The following KIF2A variants were observed in gnomAD, a reference collection of about 807,000 sequenced individuals.
KIF2A encodes the protein kinesin family member 2A.
A neutral mutation model predicts 100.2 loss-of-function variants in KIF2A; 22 were observed. The ratio of observed to expected loss-of-function variants is 0.22; its 90% CI spans 0.16 to 0.31. The LOEUF (loss-of-function observed/expected upper bound fraction) is 0.31, where lower values mean the gene tolerates loss of function less well. KIF2A is among the 10% of genes least tolerant of loss of function. The pLI, the probability that KIF2A is intolerant of heterozygous loss-of-function variation, is 1.00. For synonymous variants in KIF2A, 268 were observed against 285.9 expected (o/e 0.94, Z 0.63); for missense variants, 495 against 898.7 (o/e 0.55, Z 5.74).
chr5:62,360,546 G>A (rs1365157406), intron 9 of KIF2A, among the ~76,000 whole-genome samples: 1 of 152,124 alleles, frequency 6.6e-6, no homozygotes, highest in Non-Finnish European at 1.5e-5. Flanking sequence ...TTAGCTGGGT[G>A]TGGTGGCAGG....
At chr5:62,379,659 G>GAA (rs34005703) in intron 19 of KIF2A, among the ~76,000 whole-genome samples, 34,667 of 133,636 alleles carry the variant, frequency 0.26, 4,238 homozygotes, top group Middle Eastern at 0.33. Context: ...TGAAACTCAG[G>GAA]AAAAAAAAAA....
chr5:62,328,772 G>A (rs1323737317), intron 1 of KIF2A, among the ~76,000 whole-genome samples: 2 of 152,174 alleles, frequency 1.3e-5, no homozygotes, highest in Non-Finnish European at 2.9e-5. Context: ...GATTACAGGC[G>A]TGAGCCACCG....
At chr5:62,311,689 G>A (rs1024980697) in intron 1 of KIF2A, 2 of 152,204 alleles carry the variant, frequency 1.3e-5, no homozygotes, top group Non-Finnish European at 2.9e-5. Context: ...TGGCAATACA[G>A]TTGTTCTTTA....
At position 62,341,726 on chromosome 5, in the gene KIF2A, G is replaced by A. The variant is rs150290967; in HGVS notation, c.65-5404G>A. 1.0e-3 allele frequency among the ~76,000 whole-genome samples: 157 copies of A among 151,920 alleles called. 4 individuals are homozygous for A. In the East Asian group the frequency reaches 0.028, roughly 27 times the overall value. ...TGCTCCACCGGCCCACCTTTTTTTC[G>A]CACACCTAGTTATGGTACATTAAGT... On this transcript the variant is annotated intron_variant, in intron 1 of 20. Coordinates refer to ENST00000407818, the MANE Select transcript of KIF2A (RefSeq NM_001098511.3).
At chr5:62,357,427 T>A (rs983740216) in intron 7 of KIF2A, among the ~76,000 whole-genome samples, 1 of 152,178 alleles carries the variant, frequency 6.6e-6, no homozygotes, top group Non-Finnish European at 1.5e-5. Flanking sequence ...CTAACAATAG[T>A]AGTACCCTCT....
At chr5:62,357,188 A>AT (rs1193869945) in intron 7 of KIF2A, among the ~76,000 whole-genome samples, 1 of 151,238 alleles carries the variant, frequency 6.6e-6, no homozygotes, top group East Asian at 1.9e-4. Context: ...GGTTCAAGTG[A>AT]TTCTCCCACA....
chr5:62,386,684 G>A lies in KIF2A; in HGVS notation c.*1115G>A, dbSNP rs983457584. On this transcript the variant is annotated 3_prime_UTR_variant, in exon 21 of 21. Transcript: ENST00000407818. ...AGAGTTGACTTTGCCTTAAAAGGCA[G>A]ATCTAACCCAAGCTCCATCCAGTAC... Among the ~76,000 whole-genome samples, 1 of 152,224 alleles carries A rather than the reference G, an allele frequency of 6.6e-6. No individual in the cohort carries two copies. Among genetic ancestry groups the A allele is most frequent in the Non-Finnish European group, 1.5e-5 (1 of 68,040 alleles).
chr5:62,314,766 T>G (rs979973815), intron 1 of KIF2A, among the ~76,000 whole-genome samples: 4 of 146,914 alleles, frequency 2.7e-5, no homozygotes, highest in African/African-American at 7.5e-5. Context: ...CTGTTTTTTT[T>G]TTTTTTTTTT....
chr5:62,334,964 A>G (rs1231923766), intron 1 of KIF2A, among the ~76,000 whole-genome samples: 1 of 152,162 alleles, frequency 6.6e-6, no homozygotes, highest in East Asian at 1.9e-4. Flanking sequence ...GGGGAACTGG[A>G]GCAGTTCAGC....
chr5:62,318,159 T>A (rs1745915924), intron 1 of KIF2A, among the ~76,000 whole-genome samples: 1 of 152,090 alleles, frequency 6.6e-6, no homozygotes, highest in Non-Finnish European at 1.5e-5. Context: ...CTCAGCTCAC[T>A]GCAACCTCCA....
intron 20 of KIF2A, 49 bp from the exon 21 acceptor site, chr5:62,385,435 T>TAA (rs777771679): frequency 7.6e-7 from 1 of 1,307,612 alleles, no homozygotes; most frequent in African/African-American, 1.5e-5. Context: ...TGTAAACTCT[T>TAA]ACTGCGTGTA....
chr5:62,345,877 C>G (rs559189060), intron 1 of KIF2A, among the ~76,000 whole-genome samples: 2 of 152,006 alleles, frequency 1.3e-5, no homozygotes, highest in African/African-American at 4.8e-5. Context: ...TCTGTCTCTA[C>G]TTGAGTAACA....
intron 1 of KIF2A, among the ~76,000 whole-genome samples, chr5:62,334,508 C>CTCCTCCCCCTCT (rs368874482): frequency 1.4e-5 from 2 of 141,962 alleles, no homozygotes; most frequent in South Asian, 2.5e-4. Context: ...ACTTCTCCTC[C>CTCCTCCCCCTCT]TCCTCCCCCT....
intron 16 of KIF2A, among the ~76,000 whole-genome samples, chr5:62,367,702 T>C (rs531482581): frequency 2.0e-5 from 3 of 152,346 alleles, no homozygotes; most frequent in Non-Finnish European, 2.9e-5. Context: ...TTATTCTGTA[T>C]AGTCATGAAA....
chr5:62,378,443 A>G (rs1259982144), intron 19 of KIF2A, among the ~76,000 whole-genome samples: 4 of 152,126 alleles, frequency 2.6e-5, no homozygotes, highest in African/African-American at 9.7e-5. Context: ...TACTATGAAC[A>G]CTTCTTGAGA....
chr5:62,377,631 T>A (rs374484434), intron 18 of KIF2A, 30 bp from the exon 19 acceptor site: 75 of 1,237,374 alleles, frequency 6.1e-5, no homozygotes, highest in Middle Eastern at 2.1e-4. Flanking sequence ...ACACACTATA[T>A]CATAATTTCT....
chr5:62,334,862 C>A (rs1746854674), intron 1 of KIF2A, among the ~76,000 whole-genome samples: 1 of 152,154 alleles, frequency 6.6e-6, no homozygotes, highest in South Asian at 2.1e-4. Flanking sequence ...AGGTGGGTAG[C>A]CCCTGAGCAG....
At chr5:62,341,049 A>G (rs1747266723) in intron 1 of KIF2A, among the ~76,000 whole-genome samples, 1 of 152,212 alleles carries the variant, frequency 6.6e-6, no homozygotes, top group Non-Finnish European at 1.5e-5. Flanking sequence ...GCAAATGCTT[A>G]AGACTTTGTC....
At chr5:62,332,147 G>A (rs1335166372) in intron 1 of KIF2A, among the ~76,000 whole-genome samples, 1 of 152,146 alleles carries the variant, frequency 6.6e-6, no homozygotes, top group African/African-American at 2.4e-5. Context: ...TGTTTTCAGA[G>A]ACCAAAAGGC....
Sources: gnomAD v4.1 joint callset for allele counts (sites outside exome capture counted in the v4.1 genomes callset) on GRCh38, gnomAD v4.1.1 for gene constraint, MANE v1.5 for transcripts, NCBI Gene and HGNC (gene_info 2026-07-23, HGNC 2026-07-21) for gene names.